The following SNX30 variants were observed in gnomAD, a reference collection of about 807,000 sequenced individuals.
SNX30 encodes sorting nexin-30.
In SNX30, 24 loss-of-function variants were observed where a neutral mutation model predicts 46.4. The observed-to-expected ratio is 0.52, with a 90% CI of 0.37 to 0.73. The LOEUF is 0.73. Ranked by LOEUF, SNX30 falls within the 30% of genes least tolerant of loss-of-function variation. The pLI is 0.00. For synonymous variants in SNX30, 189 were observed against 211.5 expected, an observed-to-expected ratio of 0.89 and a Z score of 0.92; for missense variants, 533 against 555.7, an observed-to-expected ratio of 0.96 and a Z score of 0.41.
At chr9:112,851,490 A>G (rs892604639) in intron 7 of SNX30, among the ~76,000 whole-genome samples, 1 of 152,196 alleles carries the variant, frequency 6.6e-6, no homozygotes, top group Non-Finnish European at 1.5e-5. Context: ...GGGGGAAAAA[A>G]GCCAACAAAA....
intron 1 of SNX30, among the ~76,000 whole-genome samples, chr9:112,755,505 G>A (rs12555425): frequency 0.22 from 33,784 of 151,786 alleles, 4,709 homozygotes; most frequent in East Asian, 0.42. Context: ...AAGTTAACAT[G>A]GGCAGGGGAC....
At chr9:112,809,845 C>T (rs1840291005) in intron 2 of SNX30, among the ~76,000 whole-genome samples, 1 of 149,894 alleles carries the variant, frequency 6.7e-6, no homozygotes, top group African/African-American at 2.4e-5. Context: ...CAGAAGTGGG[C>T]ATGGGTTTGA....
chr9:112,771,241 T>G (rs1839644197), intron 1 of SNX30, among the ~76,000 whole-genome samples: 1 of 152,214 alleles, frequency 6.6e-6, no homozygotes, highest in African/African-American at 2.4e-5. Flanking sequence ...TACAGATATT[T>G]GGTGACTCAA....
At chr9:112,845,213 G>T (rs1239606998) in intron 6 of SNX30, among the ~76,000 whole-genome samples, 1 of 152,186 alleles carries the variant, frequency 6.6e-6, no homozygotes, top group Non-Finnish European at 1.5e-5. Flanking sequence ...CAAGCCCACA[G>T]ACAAGAGCAA....
intron 1 of SNX30, among the ~76,000 whole-genome samples, chr9:112,798,121 C>CTTTTTTTTTTTTTTTTTT (rs57300324): frequency 1.3e-5 from 1 of 77,884 alleles, no homozygotes; most frequent in African/African-American, 5.1e-5. Flanking sequence ...TTTTTTTTTT[C>CTTTTTTTTTTTTTTTTTT]TTTTTTTTTT....
intron 3 of SNX30, 44 bp from the exon 4 acceptor site, chr9:112,830,681 C>T: frequency 6.3e-7 from 1 of 1,575,794 alleles, no homozygotes; most frequent in Non-Finnish European, 8.6e-7. Context: ...TTTCCTTGCA[C>T]CATCTCATCA....
intron 2 of SNX30, among the ~76,000 whole-genome samples, chr9:112,817,401 C>CTTTTTTTTTTTTA (rs1840414937): frequency 2.1e-5 from 1 of 46,832 alleles, no homozygotes; most frequent in Non-Finnish European, 3.4e-5. Context: ...AAAAAACTGG[C>CTTTTTTTTTTTTA]TTTTTTTTTT....
Position 112,789,032 on chromosome 9 carries a change from G to A in SNX30, c.157-15744G>A, listed in dbSNP as rs149765229. On this transcript the variant is annotated intron_variant, in intron 1 of 8. Transcript: ENST00000374232. The stretch of plus-strand genomic sequence containing the variant: ...GCTGGTCTTGAACTCCTGGGCTCAA[G>A]CAATCCTCCTGCCTTGGCCTCCCAA... Among the ~76,000 whole-genome samples, 291 of 152,282 alleles carry A rather than the reference G, an allele frequency of 1.9e-3. 1 individual carries two copies. The highest frequency in any genetic ancestry group is 0.018 in the South Asian group (88 of 4,826).
At chr9:112,795,765 TCACA>T (rs1554751568) in intron 1 of SNX30, among the ~76,000 whole-genome samples, 1,647 of 123,298 alleles carry the variant, frequency 0.013, 15 homozygotes, top group African/African-American at 0.026. Context: ...CACAGTACAG[TCACA>T]CACACACACA....
At chr9:112,794,205 T>C (rs1206383044) in intron 1 of SNX30, among the ~76,000 whole-genome samples, 1 of 152,028 alleles carries the variant, frequency 6.6e-6, no homozygotes, top group East Asian at 1.9e-4. Context: ...TAGGTTGGAG[T>C]GCAGTGGCGT....
intron 8 of SNX30, among the ~76,000 whole-genome samples, chr9:112,865,659 A>ATATG (rs1311099028): frequency 1.9e-4 from 15 of 79,676 alleles, no homozygotes; most frequent in African/African-American, 5.8e-4. Context: ...ATATATATAT[A>ATATG]TATGTATGTA....
At chr9:112,761,290 G>A (rs1256079132) in intron 1 of SNX30, among the ~76,000 whole-genome samples, 7 of 152,184 alleles carry the variant, frequency 4.6e-5, no homozygotes, top group African/African-American at 1.7e-4. Context: ...AGCCTCCCGA[G>A]TAGCTGGGAT....
At chr9:112,804,088 A>AC (rs1192521202) in intron 1 of SNX30, among the ~76,000 whole-genome samples, 2 of 147,638 alleles carry the variant, frequency 1.4e-5, no homozygotes, top group African/African-American at 5.0e-5. Context: ...TGCAGAAATC[A>AC]CCGTCTTCTG....
At chr9:112,813,720 T>C (rs1365687946) in intron 2 of SNX30, among the ~76,000 whole-genome samples, 2 of 151,902 alleles carry the variant, frequency 1.3e-5, no homozygotes, top group Non-Finnish European at 2.9e-5. Context: ...GTGATCCGCC[T>C]GCCTCGGCCT....
intron 6 of SNX30, among the ~76,000 whole-genome samples, chr9:112,849,043 C>T (rs1311849725): frequency 6.6e-6 from 1 of 152,132 alleles, no homozygotes; most frequent in Non-Finnish European, 1.5e-5. Flanking sequence ...TTCCTAGAAG[C>T]GCTAGTCTGG....
At chr9:112,816,017 C>G (rs1840390938) in intron 2 of SNX30, among the ~76,000 whole-genome samples, 1 of 151,962 alleles carries the variant, frequency 6.6e-6, no homozygotes, top group African/African-American at 2.4e-5. Context: ...TAATTTAAAA[C>G]TTTTTTTTGC....
chr9:112,782,037 A>T (rs1475567674), intron 1 of SNX30, among the ~76,000 whole-genome samples: 1 of 152,126 alleles, frequency 6.6e-6, no homozygotes, highest in Admixed American at 6.6e-5. Context: ...TGAAATTAAA[A>T]TTTCAGTCTT....
intron 1 of SNX30, among the ~76,000 whole-genome samples, chr9:112,777,139 G>A (rs1839759479): frequency 6.6e-6 from 1 of 152,092 alleles, no homozygotes; most frequent in Admixed American, 6.5e-5. Context: ...CTGTAAATTT[G>A]ATCCTGTTTG....
intron 2 of SNX30, among the ~76,000 whole-genome samples, chr9:112,809,776 G>A (rs1840289864): frequency 6.6e-6 from 1 of 152,236 alleles, no homozygotes; most frequent in South Asian, 2.1e-4. Flanking sequence ...TGAGCGAGGG[G>A]TAAGAGAGAG....
Sources: allele counts gnomAD v4.1 joint callset (sites outside exome capture counted in the v4.1 genomes callset), GRCh38; gene constraint gnomAD v4.1.1; transcripts MANE v1.5; gene names NCBI Gene and HGNC (gene_info 2026-07-23, HGNC 2026-07-21).